The following ARCN1 variants were observed in gnomAD, a reference collection of about 807,000 sequenced individuals.
ARCN1 encodes archain 1 coat protein complex I subunit delta.
In ARCN1, 5 loss-of-function variants were observed where a neutral mutation model predicts 60.4. The observed-to-expected ratio is 0.08, with a 90% CI of 0.04 to 0.17. The LOEUF is 0.17. Ranked by LOEUF, ARCN1 falls within the 10% of genes least tolerant of loss-of-function variation. The probability of loss-of-function intolerance (pLI) is 1.00; values close to 1 mark genes in which losing one functional copy is unlikely to be tolerated. For missense variants in ARCN1, 464 were observed against 626.5 expected (o/e 0.74, Z 2.77); for synonymous variants, 224 against 220.0 (o/e 1.02, Z -0.16).
intron 9 of ARCN1, 132 bp from the exon 10 acceptor site, chr11:118,600,479 GTTGTGAATTGAACA>G (rs1555077922): frequency 3.6e-6 from 2 of 556,468 alleles, no homozygotes; most frequent in African/African-American, 4.0e-5. Context: ...GTGACTTTCA[GTTGTGAATTGAACA>G]TTTTTCTAGT....
At chr11:118,600,222 C>T (rs1174810757) in intron 9 of ARCN1, among the ~76,000 whole-genome samples, 3 of 152,166 alleles carry the variant, frequency 2.0e-5, no homozygotes, top group Non-Finnish European at 4.4e-5. Flanking sequence ...ACTTTTAACA[C>T]GAGACTTTGA....
Position 118,593,644 on chromosome 11 carries a change from A to C in ARCN1, c.1187A>C (p.Glu396Ala). 6.2e-7 allele frequency: 1 copy of C among 1,613,792 alleles called. No individual in the cohort carries two copies. Among genetic ancestry groups the C allele is most frequent in the Non-Finnish European group, 8.5e-7 (1 of 1,179,774 alleles). The change falls in exon 8 of 10, where the codon GAG (glutamate) becomes GCG (alanine). Residue 396 changes from glutamate (E) to alanine (A), a missense_variant. Coordinates refer to ENST00000264028, the MANE Select transcript of ARCN1 (RefSeq NM_001655.5). ...GNGCDVNIEY[E>A]LQEDNLELND... ...GGCTGTGATGTCAACATAGAATATGAGCTACAAGAAGATAATTTAGAACTG... is the reference window on the plus strand; with the variant it reads ...GGCTGTGATGTCAACATAGAATATGCGCTACAAGAAGATAATTTAGAACTG...
At chr11:118,576,450 C>CAAAAAAAA (rs1565357939) in intron 1 of ARCN1, among the ~76,000 whole-genome samples, 8 of 43,728 alleles carry the variant, frequency 1.8e-4, no homozygotes, top group South Asian at 1.4e-3. Flanking sequence ...AAAAAAAAAA[C>CAAAAAAAA]CAAAAACTTT....
intron 2 of ARCN1, among the ~76,000 whole-genome samples, chr11:118,582,915 C>T (rs530112909): frequency 6.6e-6 from 1 of 151,620 alleles, no homozygotes; most frequent in South Asian, 2.1e-4. Flanking sequence ...GTGGTACACA[C>T]CTGTAGTCCC....
At chr11:118,581,139 G>A (rs1938640300) in intron 1 of ARCN1, 107 bp from the exon 2 acceptor site, 1 of 1,406,862 alleles carries the variant, frequency 7.1e-7, no homozygotes, top group African/African-American at 1.4e-5. Flanking sequence ...ACTACTACTA[G>A]TCATGTCACT....
chr11:118,599,359 A>T (rs1939101630), intron 9 of ARCN1, among the ~76,000 whole-genome samples: 1 of 150,436 alleles, frequency 6.6e-6, no homozygotes, highest in African/African-American at 2.5e-5. Context: ...CCAAAGTGCT[A>T]GGATTACAGG....
chr11:118,595,722 T>A (rs1201317767), intron 8 of ARCN1, among the ~76,000 whole-genome samples: 2 of 152,234 alleles, frequency 1.3e-5, no homozygotes, highest in Non-Finnish European at 2.9e-5. Context: ...CCAGTAAGTG[T>A]ATTCTTAGTG....
chr11:118,581,930 A>G (rs1368050434), intron 2 of ARCN1, among the ~76,000 whole-genome samples: 2 of 125,748 alleles, frequency 1.6e-5, no homozygotes, highest in Non-Finnish European at 3.5e-5. Flanking sequence ...AGACAGACAG[A>G]CAGACAGACA....
At position 118,581,298 on chromosome 11, in the gene ARCN1, G is replaced by A. The variant is rs1938643682; in HGVS notation, c.56G>A (p.Arg19Gln). Residue 19 changes from arginine to glutamine, a missense_variant, in exon 2 of 10, where the codon CGA (arginine) becomes CAA (glutamine). By Grantham distance (43) the Arg-to-Gln change is conservative. Coordinates refer to ENST00000264028, the MANE Select transcript of ARCN1 (RefSeq NM_001655.5). Reference sequence around the variant, plus strand: ...AAAGCAGGAAAGGCTATTGTTTCTCGACAGTTTGTGGAAATGACCCGAACT... The same window carrying A: ...AAAGCAGGAAAGGCTATTGTTTCTCAACAGTTTGTGGAAATGACCCGAACT... ...CTKAGKAIVS[R>Q]QFVEMTRTRI... 3 of 1,614,210 alleles carry A rather than the reference G, an allele frequency of 1.9e-6. No homozygotes were observed. Among genetic ancestry groups the A allele is most frequent in the Admixed American group, 1.7e-5 (1 of 60,022 alleles).
At chr11:118,596,274 TG>T (rs1328793856) in intron 8 of ARCN1, among the ~76,000 whole-genome samples, 2 of 152,182 alleles carry the variant, frequency 1.3e-5, no homozygotes, top group Non-Finnish European at 2.9e-5. Flanking sequence ...CTTGAACTGT[TG>T]TAGGACTTGG....
intron 1 of ARCN1, among the ~76,000 whole-genome samples, chr11:118,576,942 T>C (rs1276279902): frequency 6.6e-6 from 1 of 152,184 alleles, no homozygotes; most frequent in Non-Finnish European, 1.5e-5. Context: ...CCCAGCACTT[T>C]GGGAGGCTCA....
At chr11:118,592,257 G>C (rs1376645126) in intron 6 of ARCN1, among the ~76,000 whole-genome samples, 1 of 152,038 alleles carries the variant, frequency 6.6e-6, no homozygotes, top group Non-Finnish European at 1.5e-5. Context: ...TAAGTCTCTA[G>C]GCAAAATTGC....
chr11:118,581,639 T>C, intron 2 of ARCN1, 130 bp downstream of exon 2: 2 of 837,596 alleles, frequency 2.4e-6, no homozygotes, highest in Admixed American at 5.5e-5. Flanking sequence ...GACTTATTGC[T>C]GCAGCACCTT....
chr11:118,593,613 G>A lies in ARCN1; in HGVS notation c.1156G>A (p.Gly386Arg). Residue 386 changes from glycine (G) to arginine (R), a missense_variant, in exon 8 of 10, where the codon GGA becomes AGA. This residue lies in a region of ARCN1 where 359 missense variants were observed against 440.2 expected (regional missense o/e 0.82). Coordinates refer to ENST00000264028, the MANE Select transcript of ARCN1 (RefSeq NM_001655.5). The part of the protein sequence containing the change: ...LTINCWPSES[G>R]NGCDVNIEYE... ...AGTTAATTGCTGGCCCTCGGAGAGT[G>A]GAAATGGCTGTGATGTCAACATAGA... 6.2e-7 allele frequency: 1 copy of A among 1,613,132 alleles called. No individual in the cohort carries two copies. Among genetic ancestry groups the A allele is most frequent in the Non-Finnish European group, 8.5e-7 (1 of 1,179,324 alleles).
intron 1 of ARCN1, among the ~76,000 whole-genome samples, chr11:118,580,950 T>C (rs1262421971): frequency 6.6e-6 from 1 of 152,094 alleles, no homozygotes; most frequent in African/African-American, 2.4e-5. Flanking sequence ...CTGGGAAACA[T>C]AGCGAGATAC....
intron 6 of ARCN1, among the ~76,000 whole-genome samples, chr11:118,590,759 A>AT (rs1162918804): frequency 6.6e-6 from 1 of 152,248 alleles, no homozygotes; most frequent in Non-Finnish European, 1.5e-5. Flanking sequence ...AAATGACTTC[A>AT]TACTCACCAA....
At chr11:118,581,911 C>A (rs1483081131) in intron 2 of ARCN1, among the ~76,000 whole-genome samples, 2 of 148,418 alleles carry the variant, frequency 1.3e-5, no homozygotes, top group African/African-American at 4.9e-5. Context: ...GTAAGACTTA[C>A]TGATCCAGAG....
rs370629764 is a variant in ARCN1, at chr11:118,600,765, C to T, written c.*51C>T. On this transcript the variant is annotated 3_prime_UTR_variant, in exon 10 of 10. Coordinates refer to ENST00000264028, the MANE Select transcript of ARCN1 (RefSeq NM_001655.5). The stretch of plus-strand genomic sequence containing the variant: ...AAAATTTTCAGATTAATAAAGAAGA[C>T]GCCAATGATGGCTGAAGAGTTTTTC... 88 of 1,277,060 alleles carry T rather than the reference C, an allele frequency of 6.9e-5. 1 individual carries two copies. Among genetic ancestry groups the T allele is most frequent in the Admixed American group, 2.2e-4 (11 of 49,846 alleles). The allele number at this position is 1,277,060 out of a possible 1,614,324, so 79.1% of individuals were successfully genotyped here.
rs1555078072 is a variant in ARCN1, at chr11:118,601,274, C to G, written c.*560C>G. The G allele has an allele frequency of 2.8e-6, 1 of 360,836 alleles. No homozygotes were observed. The highest frequency in any genetic ancestry group is 2.1e-5 in the South Asian group (1 of 46,746). 22.4% of individuals were successfully genotyped at this position (360,836 alleles called of 1,614,324 possible). On this transcript the variant is annotated 3_prime_UTR_variant, in exon 10 of 10. Coordinates refer to ENST00000264028, the MANE Select transcript of ARCN1 (RefSeq NM_001655.5). ...ACGGGGTTTCACCGTGTTGCCCAGG[C>G]TGGTCGCGAACTCCTGAGCTCAGGC...
Sources: allele counts gnomAD v4.1 joint callset (sites outside exome capture counted in the v4.1 genomes callset), GRCh38; gene constraint gnomAD v4.1.1; regional missense constraint gnomAD v4.1.1; transcripts MANE v1.5; gene names NCBI Gene and HGNC (gene_info 2026-07-23, HGNC 2026-07-21).